SRCAP: variants seen among roughly 807,000 people sequenced by gnomAD.
SRCAP encodes the protein Snf2 related CREBBP activator protein.
SRCAP carries 46 observed loss-of-function variants against 263.1 expected under a neutral mutation model. The ratio of observed to expected loss-of-function variants is 0.17; its 90% CI spans 0.14 to 0.22. SRCAP has a LOEUF of 0.22. Among genes scored for constraint, SRCAP ranks in the 10% least tolerant of loss-of-function variants. The pLI is 1.00. For missense variants in SRCAP, 3,695 were observed against 4,181.9 expected (o/e 0.88, Z 3.21); for synonymous variants, 1,813 against 1,662.1 (o/e 1.09, Z -2.21).
chr16:30,703,854 G>A (rs1313066555), intron 3 of SRCAP, among the ~76,000 whole-genome samples: 1 of 152,088 alleles, frequency 6.6e-6, no homozygotes, highest in African/African-American at 2.4e-5. Context: ...CCGAGATCGC[G>A]CCACTGCACT....
At chr16:30,704,523 T>C (rs541336340) in intron 4 of SRCAP, among the ~76,000 whole-genome samples, 1 of 152,142 alleles carries the variant, frequency 6.6e-6, no homozygotes, top group Non-Finnish European at 1.5e-5. Flanking sequence ...TAATAGTTTA[T>C]AGGCTATTAA....
chr16:30,701,829 A>G (rs2052770136), intron 3 of SRCAP, among the ~76,000 whole-genome samples: 1 of 151,478 alleles, frequency 6.6e-6, no homozygotes. Context: ...GGGTTTCACC[A>G]TCATGTTGGC....
At chr16:30,730,676 C>CTT (rs1456033272) in intron 27 of SRCAP, among the ~76,000 whole-genome samples, 2 of 148,834 alleles carry the variant, frequency 1.3e-5, no homozygotes, top group Non-Finnish European at 3.0e-5. Context: ...GTGATCTGCC[C>CTT]ACCTTGGCCT....
Position 30,704,220 on chromosome 16 carries a change from C to G in SRCAP, c.211C>G (p.Leu71Val). 1 of 1,614,184 alleles carries G rather than the reference C, an allele frequency of 6.2e-7. No individual in the cohort carries two copies. The highest frequency in any genetic ancestry group is 8.5e-7 in the Non-Finnish European group (1 of 1,180,032). The change falls in exon 4 of 34, where the codon CTG becomes GTG. Residue 71 changes from leucine to valine, a missense_variant. This residue lies in a region of SRCAP where 122 missense variants were observed against 116.9 expected (regional missense o/e 1.04). Coordinates refer to ENST00000262518, the MANE Select transcript of SRCAP (RefSeq NM_006662.3). ...PGPPDGATVP[L>V]EGFSLSQAAD... ...CCCCCCAGATGGTGCCACAGTGCCC[C>G]TGGAGGGGTTCAGCTTATCCCAGGC... is the stretch of plus-strand genomic sequence containing the variant.
At chr16:30,729,300 G>C in intron 26 of SRCAP, 69 bp downstream of exon 26, 1 of 1,604,346 alleles carries the variant, frequency 6.2e-7, no homozygotes. Context: ...GCTTAGGGCT[G>C]GTGAAGGTGT....
intron 18 of SRCAP, among the ~76,000 whole-genome samples, chr16:30,718,720 C>T (rs2151291660): frequency 1.3e-5 from 2 of 152,152 alleles, no homozygotes. Flanking sequence ...ATCTGCCTGC[C>T]TTGGCCTCCT....
At chr16:30,722,925 C>A (rs1447044872) in intron 23 of SRCAP, 38 bp from the exon 24 acceptor site, 2 of 1,575,412 alleles carry the variant, frequency 1.3e-6, no homozygotes, top group Non-Finnish European at 1.7e-6. Context: ...TCTTTTGTTT[C>A]TTTTCTACCT....
intron 16 of SRCAP, 46 bp from the exon 17 acceptor site, chr16:30,716,020 G>A (rs780767154): frequency 3.7e-6 from 6 of 1,611,620 alleles, no homozygotes; most frequent in South Asian, 1.1e-5. Context: ...GCTGGGGCTC[G>A]GTGCCTGAGT....
At position 30,733,640 on chromosome 16, in the gene SRCAP, C is replaced by G; in HGVS notation, c.6336C>G (p.Phe2112Leu). ...MERFNADKRIFCFILSTRSGG... is the reference protein window; with the variant it reads ...MERFNADKRILCFILSTRSGG... ...GGTTCAATGCAGACAAACGCATATTCTGCTTCATCCTTTCAACTCGGAGTG... is the reference window on the plus strand; with the variant it reads ...GGTTCAATGCAGACAAACGCATATTGTGCTTCATCCTTTCAACTCGGAGTG... Residue 2112 changes from phenylalanine (F) to leucine (L), a missense_variant, in exon 29 of 34, where the codon TTC becomes TTG. By Grantham distance (22) the Phe-to-Leu change is conservative (BLOSUM62 0). Coordinates refer to ENST00000262518, the MANE Select transcript of SRCAP (RefSeq NM_006662.3). The surrounding 1 kb of genome is among the most constrained non-coding windows in gnomAD (Gnocchi z 5.3). 1 of 1,614,080 alleles carries G rather than the reference C, an allele frequency of 6.2e-7. No individual in the cohort carries two copies. The highest frequency in any genetic ancestry group is 8.5e-7 in the Non-Finnish European group (1 of 1,180,004).
At chr16:30,706,684 G>T (rs1005784262) in intron 4 of SRCAP, among the ~76,000 whole-genome samples, 1 of 151,818 alleles carries the variant, frequency 6.6e-6, no homozygotes, top group Non-Finnish European at 1.5e-5. Flanking sequence ...GTGTCAGTTG[G>T]GCATTATAGC....
rs763515022 is a variant in SRCAP at position 30,739,286 on chromosome 16, A to G, written c.9246A>G (p.Gly3082=). Residue 3082 remains glycine, a synonymous_variant, in exon 34 of 34, where the codon GGA becomes GGG. Coordinates refer to ENST00000262518, the MANE Select transcript of SRCAP (RefSeq NM_006662.3). ...EAEGMRGRKS[G]GSMVVAVIQD... Reference sequence around the variant, plus strand: ...AAGGAATGCGAGGACGGAAGAGTGGAGGGTCCATGGTGGTGGCTGTAATTC... The same window carrying G: ...AAGGAATGCGAGGACGGAAGAGTGGGGGGTCCATGGTGGTGGCTGTAATTC... The G allele has an allele frequency of 1.2e-6, 2 of 1,614,100 alleles. No individual in the cohort carries two copies. Among genetic ancestry groups the G allele is most frequent in the Non-Finnish European group, 1.7e-6 (2 of 1,180,024 alleles).
Position 30,733,363 on chromosome 16 carries a change from A to G in SRCAP, c.6211A>G (p.Met2071Val). 6.2e-7 allele frequency: 1 copy of G among 1,614,124 alleles called. No homozygotes were observed. Among genetic ancestry groups the G allele is most frequent in the Non-Finnish European group, 8.5e-7 (1 of 1,180,008 alleles). Residue 2071 changes from methionine to valine, a missense_variant, in exon 28 of 34, where the codon ATG becomes GTG. Coordinates refer to ENST00000262518, the MANE Select transcript of SRCAP (RefSeq NM_006662.3). The surrounding 1 kb of genome is among the most constrained non-coding windows in gnomAD (Gnocchi z 5.3). ...GCTCATCTTCACCCAGATGACCCGAATGCTGGATGTATTGGAGCAGTTTCT... is the reference window on the plus strand; with the variant it reads ...GCTCATCTTCACCCAGATGACCCGAGTGCTGGATGTATTGGAGCAGTTTCT... Reference protein sequence around the residue: ...RVLIFTQMTRMLDVLEQFLTY... With the variant: ...RVLIFTQMTRVLDVLEQFLTY...
At chr16:30,711,445 T>C (rs2052890029) in intron 10 of SRCAP, 126 bp from the exon 11 acceptor site, 1 of 968,308 alleles carries the variant, frequency 1.0e-6, no homozygotes, top group Non-Finnish European at 1.5e-6. Context: ...AGTAAGCTCT[T>C]TTGCCTCCCC....
rs1418613933 is a variant in SRCAP at position 30,699,911 on chromosome 16, T to C, written c.-280T>C. On this transcript the variant is annotated 5_prime_UTR_variant, in exon 2 of 34. Transcript: ENST00000262518. ...TACGCTTTGATGGATGTTTCAGGTG[T>C]GATTCCCTTCAGTACGGCGGCACCG... 1 of 152,250 alleles carries C rather than the reference T, an allele frequency of 6.6e-6. No individual in the cohort carries two copies. The highest frequency in any genetic ancestry group is 1.5e-5 in the Non-Finnish European group (1 of 68,058). The allele number at this position is 152,250 out of a possible 1,614,324, so 9.4% of individuals were successfully genotyped here.
chr16:30,719,858 G>T (rs759240802), intron 18 of SRCAP, among the ~76,000 whole-genome samples: 11 of 152,030 alleles, frequency 7.2e-5, no homozygotes, highest in Non-Finnish European at 1.5e-4. Context: ...TTCTTAAATG[G>T]GGTATATTGC....
At chr16:30,704,617 C>G (rs1260264410) in intron 4 of SRCAP, among the ~76,000 whole-genome samples, 7 of 152,130 alleles carry the variant, frequency 4.6e-5, no homozygotes, top group Non-Finnish European at 1.0e-4. Context: ...ACAGGCAGAT[C>G]TCTTGAGCCC....
chr16:30,727,459 C>T (rs536387698), intron 25 of SRCAP, among the ~76,000 whole-genome samples: 1 of 152,292 alleles, frequency 6.6e-6, no homozygotes, highest in East Asian at 1.9e-4. Flanking sequence ...GTGGCACAGT[C>T]TCCGCTCATT....
At chr16:30,732,236 G>A (rs57852136) in intron 27 of SRCAP, among the ~76,000 whole-genome samples, 453 of 152,278 alleles carry the variant, frequency 3.0e-3, no homozygotes, top group African/African-American at 0.011. Flanking sequence ...TGGATCACCT[G>A]AGGTCTGGAT....
rs1020597072 is a variant in SRCAP at position 30,722,036 on chromosome 16, C to G, written c.3542-86C>G. On this transcript the variant is annotated intron_variant, in intron 21 of 33. Coordinates refer to ENST00000262518, the MANE Select transcript of SRCAP (RefSeq NM_006662.3). ...GGCTTAGTTGTTTGAACTGGACACTCGGGGGAGAGGTGTGCTTCATGGGGT... is the reference window on the plus strand; with the variant it reads ...GGCTTAGTTGTTTGAACTGGACACTGGGGGGAGAGGTGTGCTTCATGGGGT... 10 of 1,502,144 alleles carry G rather than the reference C, an allele frequency of 6.7e-6. No individual in the cohort carries two copies. In the South Asian group the frequency reaches 1.0e-4, roughly 15 times the overall value. 93.1% of individuals were successfully genotyped at this position (1,502,144 alleles called of 1,614,324 possible).
Sources: gnomAD v4.1 joint callset for allele counts (sites outside exome capture counted in the v4.1 genomes callset) on GRCh38, gnomAD v4.1.1 for gene constraint, gnomAD v4.1.1 regional missense constraint, Gnocchi (gnomAD v3.1) non-coding constraint, MANE v1.5 for transcripts, NCBI Gene and HGNC (gene_info 2026-07-23, HGNC 2026-07-21) for gene names.